Variants in SLC35F4 observed in about 807,000 individuals in gnomAD.
The protein encoded by SLC35F4 is chromosome 14 open reading frame 36.
In SLC35F4, 24 loss-of-function variants were observed where a neutral mutation model predicts 44.2. That is an observed-to-expected ratio of 0.54 (90% CI 0.39 to 0.76). The LOEUF is 0.76. Among genes scored for constraint, SLC35F4 ranks in the 30% least tolerant of loss-of-function variants. The pLI, the probability that SLC35F4 is intolerant of heterozygous loss-of-function variation, is 0.00. For synonymous variants in SLC35F4, 238 were observed against 223.6 expected (o/e 1.06, Z -0.57); for missense variants, 562 against 586.1 (o/e 0.96, Z 0.42).
In SLC35F4 at chr14:57,736,492, A is replaced by T. The variant is rs986078320; in HGVS notation, c.103+129231T>A. On this transcript the variant is annotated intron_variant, in intron 1 of 7. Coordinates refer to ENST00000556826, the MANE Select transcript of SLC35F4 (RefSeq NM_001306087.2). Reference sequence around the variant, plus strand: ...TAACTGGGATAGCACAGTGGTCATTAGTGGTCACAGCGGTCATTAGTGCAC... The same window carrying T: ...TAACTGGGATAGCACAGTGGTCATTTGTGGTCACAGCGGTCATTAGTGCAC... Among the ~76,000 whole-genome samples the T allele has an allele frequency of 9.2e-5, 14 of 152,332 alleles. No homozygotes were observed. The East Asian group carries it at 2.5e-3, about 27-fold the overall frequency.
chr14:57,727,133 TGTAC>T (rs1230660298), intron 1 of SLC35F4, among the ~76,000 whole-genome samples: 8 of 9,856 alleles, frequency 8.1e-4, no homozygotes, highest in African/African-American at 1.3e-3. Flanking sequence ...TATGTATATA[TGTAC>T]ATATATATAT....
intron 1 of SLC35F4, among the ~76,000 whole-genome samples, chr14:57,816,516 A>G (rs2140899903): frequency 6.6e-6 from 1 of 152,332 alleles, no homozygotes; most frequent in African/African-American, 2.4e-5. Context: ...ACCAGAAAAC[A>G]TATACGATCT....
At chr14:57,823,503 C>A (rs969589894) in intron 1 of SLC35F4, among the ~76,000 whole-genome samples, 49 of 152,324 alleles carry the variant, frequency 3.2e-4, no homozygotes, top group East Asian at 1.2e-3. Flanking sequence ...AAATTTGAAT[C>A]ACGCAAAGCC....
At chr14:57,911,440 T>C (rs188683883) in intron 1 of SLC35F4, among the ~76,000 whole-genome samples, 3 of 152,142 alleles carry the variant, frequency 2.0e-5, no homozygotes, top group Non-Finnish European at 4.4e-5. Flanking sequence ...ATGTTCTTTA[T>C]CAAGTTGAGG....
At chr14:57,892,833 C>CA (rs899100727) in intron 1 of SLC35F4, among the ~76,000 whole-genome samples, 43 of 149,988 alleles carry the variant, frequency 2.9e-4, no homozygotes, top group African/African-American at 9.5e-4. Context: ...AAATAACCAA[C>CA]AAAAAAAAAG....
At chr14:57,718,329 A>T (rs1462094151) in intron 1 of SLC35F4, among the ~76,000 whole-genome samples, 1 of 117,090 alleles carries the variant, frequency 8.5e-6, no homozygotes, top group Non-Finnish European at 2.0e-5. Flanking sequence ...TCACTTCAAT[A>T]TACTGATTTC....
intron 1 of SLC35F4, among the ~76,000 whole-genome samples, chr14:57,802,954 T>A (rs1326805612): frequency 1.5e-5 from 2 of 134,302 alleles, no homozygotes; most frequent in East Asian, 2.3e-4. Context: ...GAGGCCAGCA[T>A]CATCCTGATA....
At chr14:57,865,511 G>T (rs905193988) in intron 1 of SLC35F4, among the ~76,000 whole-genome samples, 3 of 152,176 alleles carry the variant, frequency 2.0e-5, no homozygotes, top group Admixed American at 2.0e-4. Flanking sequence ...GGCGCACCCA[G>T]CCGGGCCCCT....
intron 1 of SLC35F4, among the ~76,000 whole-genome samples, chr14:57,880,826 G>C (rs1333858188): frequency 6.6e-6 from 1 of 152,104 alleles, no homozygotes; most frequent in African/African-American, 2.4e-5. Flanking sequence ...ACCAAGAGCA[G>C]AGCAGACTCC....
chr14:57,612,724 T>TTAATGTGCATATGTCTTATCA (rs1205733601), intron 1 of SLC35F4, among the ~76,000 whole-genome samples: 2 of 152,188 alleles, frequency 1.3e-5, no homozygotes, highest in African/African-American at 4.8e-5. Context: ...TTCAGTAACT[T>TTAATGTGCATATGTCTTATCA]TAATGTGCAT....
At chr14:57,945,582 T>G (rs754185610) in intron 1 of SLC35F4, among the ~76,000 whole-genome samples, 1 of 151,512 alleles carries the variant, frequency 6.6e-6, no homozygotes, top group Admixed American at 6.6e-5. Context: ...CCTATAAACA[T>G]GCATGTGCAA....
At chr14:57,865,596 G>T (rs772571371) in intron 1 of SLC35F4, 127 bp downstream of exon 1, 1 of 685,266 alleles carries the variant, frequency 1.5e-6, no homozygotes, top group South Asian at 2.1e-5. Flanking sequence ...CCAGGAAGGC[G>T]GTGTTGACAG....
chr14:57,728,799 T>C (rs2076277087), intron 1 of SLC35F4, among the ~76,000 whole-genome samples: 1 of 152,182 alleles, frequency 6.6e-6, no homozygotes, highest in Non-Finnish European at 1.5e-5. Flanking sequence ...CTACATCCTT[T>C]TCTTTCAGAT....
At chr14:57,914,087 T>C (rs1440884432) in intron 1 of SLC35F4, among the ~76,000 whole-genome samples, 1 of 152,200 alleles carries the variant, frequency 6.6e-6, no homozygotes, top group Non-Finnish European at 1.5e-5. Flanking sequence ...CTTAGTCTGT[T>C]TTATGCTGCT....
intron 1 of SLC35F4, among the ~76,000 whole-genome samples, chr14:57,959,079 G>A (rs1281610525): frequency 6.6e-6 from 1 of 152,148 alleles, no homozygotes; most frequent in African/African-American, 2.4e-5. Flanking sequence ...GGAAGGGGCA[G>A]GAGAAGGATG....
At chr14:57,573,564 G>C (rs1430286931) in intron 4 of SLC35F4, among the ~76,000 whole-genome samples, 2 of 152,122 alleles carry the variant, frequency 1.3e-5, no homozygotes, top group African/African-American at 4.8e-5. Flanking sequence ...AACACAGTGA[G>C]GGGGTTATCT....
At chr14:57,712,645 CATTT>C (rs1368651544) in intron 1 of SLC35F4, among the ~76,000 whole-genome samples, 1 of 152,174 alleles carries the variant, frequency 6.6e-6, no homozygotes, top group African/African-American at 2.4e-5. Flanking sequence ...TTACCTTCTT[CATTT>C]ACTTTCATTT....
chr14:57,824,160 C>A (rs1015970278), intron 1 of SLC35F4, among the ~76,000 whole-genome samples: 1 of 152,062 alleles, frequency 6.6e-6, no homozygotes, highest in Admixed American at 6.6e-5. Context: ...AAACATGACA[C>A]CGAGAATCCA....
chr14:57,626,749 A>C (rs1415539225), intron 1 of SLC35F4, among the ~76,000 whole-genome samples: 1 of 152,172 alleles, frequency 6.6e-6, no homozygotes, highest in African/African-American at 2.4e-5. Flanking sequence ...TAGGAAATAG[A>C]GGTACAATCA....
Sources: allele counts gnomAD v4.1 joint callset (sites outside exome capture counted in the v4.1 genomes callset), GRCh38; gene constraint gnomAD v4.1.1; transcripts MANE v1.5; gene names NCBI Gene and HGNC (gene_info 2026-07-23, HGNC 2026-07-21).